COL9A2: variants seen among roughly 807,000 people sequenced by gnomAD.
COL9A2 encodes collagen alpha-2(IX) chain.
A neutral mutation model predicts 111.6 loss-of-function variants in COL9A2; 66 were observed. The ratio of observed to expected loss-of-function variants is 0.59; its 90% CI spans 0.48 to 0.73. The LOEUF (loss-of-function observed/expected upper bound fraction) is 0.73, where lower values mean the gene tolerates loss of function less well. Ranked by LOEUF, COL9A2 falls within the 30% of genes least tolerant of loss-of-function variation. The pLI is 0.00. For synonymous variants in COL9A2, 353 were observed against 364.1 expected (o/e 0.97, Z 0.35); for missense variants, 881 against 954.1 (o/e 0.92, Z 1.01).
Position 40,316,625 on chromosome 1 carries a change from C to T in COL9A2, c.75+498G>A, listed in dbSNP as rs1274097611. 2.2e-6 allele frequency: 1 copy of T among 455,014 alleles called. No individual in the cohort carries two copies. Among genetic ancestry groups the T allele is most frequent in the South Asian group, 1.6e-5 (1 of 64,478 alleles). 28.2% of individuals were successfully genotyped at this position (455,014 alleles called of 1,614,324 possible). ...GCGAGCTCGAAACCACACCCAGCACCCGACCGGGCCCAGTCTCTGCCCTAC... is the reference window on the plus strand; with the variant it reads ...GCGAGCTCGAAACCACACCCAGCACTCGACCGGGCCCAGTCTCTGCCCTAC... On this transcript the variant is annotated intron_variant, in intron 1 of 31. Coordinates refer to ENST00000372748, the MANE Select transcript of COL9A2 (RefSeq NM_001852.4). The surrounding 1 kb of genome is among the most constrained non-coding windows in gnomAD (Gnocchi z 5.5).
intron 16 of COL9A2, 68 bp downstream of exon 16, chr1:40,309,869 AG>A: frequency 6.7e-7 from 1 of 1,497,460 alleles, no homozygotes; most frequent in Non-Finnish European, 9.3e-7. Context: ...ACACAGCCTT[AG>A]GGGGTGCCTT....
rs1182636923 is a variant in COL9A2, at chr1:40,302,150, ACT to A, written c.1793-263_1793-262del. On this transcript the variant is annotated intron_variant, in intron 30 of 31. Transcript: ENST00000372748. This position sits in a 1 kb window ranked among gnomAD's most constrained non-coding sequence, Gnocchi z 4.5. ...ACTGTGTCTCAGTGAACTAAGACAA[ACT>A]CTATGTAAACTACTCTAAGGATAGT... Among the ~76,000 whole-genome samples the A allele has an allele frequency of 6.6e-6, 1 of 152,124 alleles. No individual in the cohort carries two copies. The highest frequency in any genetic ancestry group is 1.5e-5 in the Non-Finnish European group (1 of 68,022).
At chr1:40,315,218 G>A in intron 2 of COL9A2, 2 of 1,058,792 alleles carry the variant, frequency 1.9e-6, no homozygotes, top group Non-Finnish European at 1.1e-6. Flanking sequence ...CGGTGGTCTG[G>A]CCAAGGCTCC....
At position 40,306,172 on chromosome 1, in the gene COL9A2, G is replaced by A; in HGVS notation, c.1024C>T (p.Pro342Ser). ...TCTCCAGGGCCTCCTTTTGTCCCAG[G>A]CTGGCCTGGCACACCCTGCAGAAAG... ...HQGLAGVPGQ[P>S]GTKGGPGDQG... The change falls in exon 20 of 32, where the codon CCT becomes TCT. Residue 342 changes from proline to serine, a missense_variant. Coordinates refer to ENST00000372748, the MANE Select transcript of COL9A2 (RefSeq NM_001852.4). 6.2e-7 allele frequency: 1 copy of A among 1,614,210 alleles called. No homozygotes were observed. Among genetic ancestry groups the A allele is most frequent in the Non-Finnish European group, 8.5e-7 (1 of 1,180,040 alleles).
Position 40,306,301 on chromosome 1 carries a change from C to G in COL9A2, c.1009-114G>C, listed in dbSNP as rs2076696. ...TCCCCCACCTGTGGGAGCTGAACAACAGAAGGTCCAGCCACGGCATGATGA... is the reference window on the plus strand; with the variant it reads ...TCCCCCACCTGTGGGAGCTGAACAAGAGAAGGTCCAGCCACGGCATGATGA... On this transcript the variant is annotated intron_variant, in intron 19 of 31. Coordinates refer to ENST00000372748, the MANE Select transcript of COL9A2 (RefSeq NM_001852.4). 0.17 allele frequency: 196,280 copies of G among 1,139,696 alleles called. 18,743 individuals are homozygous for G. Among genetic ancestry groups the G allele is most frequent in the East Asian group, 0.34 (14,097 of 41,580 alleles). 70.6% of individuals were successfully genotyped at this position (1,139,696 alleles called of 1,614,324 possible). A position where few individuals can be genotyped will look rare whatever the true frequency, so the allele number is the denominator to read the frequency against.
Position 40,315,592 on chromosome 1 carries a change from C to T in COL9A2, c.148G>A (p.Asp50Asn). The change falls in exon 2 of 32, where the codon GAC becomes AAC. Residue 50 changes from aspartate (D) to asparagine (N), a missense_variant and splice_region_variant. Physicochemically the swap from Asp to Asn is conservative, Grantham distance 23. Transcript: ENST00000372748. ...PPGVPGSDGIDGDNGPPGKAG... is the reference protein window; with the variant it reads ...PPGVPGSDGINGDNGPPGKAG... ...CTGGTCTCAGGTTAGAGACTTACGTCGATGCCGTCGGATCCAGGCACTCCC... is the reference window on the plus strand; with the variant it reads ...CTGGTCTCAGGTTAGAGACTTACGTTGATGCCGTCGGATCCAGGCACTCCC... 6.4e-7 allele frequency: 1 copy of T among 1,552,240 alleles called. No homozygotes were observed. Among genetic ancestry groups the T allele is most frequent in the Non-Finnish European group, 8.7e-7 (1 of 1,147,062 alleles).
chr1:40,312,132 T>C lies in COL9A2; in HGVS notation c.364-20A>G, dbSNP rs78091688. ...AGGCCCCTGGGGAGCAGAGAGTTGA[T>C]GGTCAGGATGCCTCAGAGGGTCAGA... On this transcript the variant is annotated intron_variant, in intron 7 of 31. Coordinates refer to ENST00000372748, the MANE Select transcript of COL9A2 (RefSeq NM_001852.4). The surrounding 1 kb of genome is among the most constrained non-coding windows in gnomAD (Gnocchi z 6.0). The C allele has an allele frequency of 0.043, 68,527 of 1,592,960 alleles. 3,193 individuals are homozygous for C. Among genetic ancestry groups the C allele is most frequent in the African/African-American group, 0.2 (14,892 of 74,368 alleles).
rs551186240 is a variant in COL9A2 at position 40,303,478 on chromosome 1, C to G, written c.1548+52G>C. 384 of 1,609,934 alleles carry G rather than the reference C, an allele frequency of 2.4e-4. 6 individuals carry two copies. The South Asian group carries it at 3.7e-3, about 15-fold the overall frequency. Reference sequence around the variant, plus strand: ...TAGCCTTTGGCGGGTAAGCCGCACCCCAGAACAGATCTACCTAGAAGAAGC... The same window carrying G: ...TAGCCTTTGGCGGGTAAGCCGCACCGCAGAACAGATCTACCTAGAAGAAGC... On this transcript the variant is annotated intron_variant, in intron 28 of 31. Transcript: ENST00000372748. This position sits in a 1 kb window ranked among gnomAD's most constrained non-coding sequence, Gnocchi z 4.6.
At position 40,301,030 on chromosome 1, in the gene COL9A2, T is replaced by G; in HGVS notation, c.*152A>C. The G allele has an allele frequency of 3.9e-6, 3 of 776,958 alleles. No homozygotes were observed. The highest frequency in any genetic ancestry group is 2.7e-5 in the East Asian group (1 of 36,796). The allele number at this position is 776,958 out of a possible 1,614,324, so 48.1% of individuals were successfully genotyped here. ...GTGCTCTACCTCCCCTTCCCCCATGTTTTAGAATTCCTTTTCCTTAGGACT... is the reference window on the plus strand; with the variant it reads ...GTGCTCTACCTCCCCTTCCCCCATGGTTTAGAATTCCTTTTCCTTAGGACT... On this transcript the variant is annotated 3_prime_UTR_variant, in exon 32 of 32. Coordinates refer to ENST00000372748, the MANE Select transcript of COL9A2 (RefSeq NM_001852.4).
In COL9A2 at chr1:40,303,167, G is replaced by C. The variant is rs762429171; in HGVS notation, c.1567C>G (p.Gln523Glu). 1.9e-6 allele frequency: 3 copies of C among 1,612,276 alleles called. No homozygotes were observed. The highest frequency in any genetic ancestry group is 2.5e-6 in the Non-Finnish European group (3 of 1,179,364). ...TTCAGCGCCACATCCACGATGTGCTGGTCAGTGGCATCCCGGCCCTGAAAG... is the reference window on the plus strand; with the variant it reads ...TTCAGCGCCACATCCACGATGTGCTCGTCAGTGGCATCCCGGCCCTGAAAG... ...QGVEGRDATD[Q>E]HIVDVALKML... Residue 523 changes from glutamine (Q) to glutamate (E), a missense_variant, in exon 29 of 32, where the codon CAG becomes GAG. Physicochemically the swap from Gln to Glu is conservative, Grantham distance 29. Transcript: ENST00000372748. The surrounding 1 kb of genome is among the most constrained non-coding windows in gnomAD (Gnocchi z 4.6).
rs1644135300 is a variant in COL9A2, at chr1:40,311,914, G to C, written c.417+145C>G. ...CCCTAAAAGACCTAGTGCCGGGTGG[G>C]CTCATAGGAGGGGTTTCTGCCCCAG... On this transcript the variant is annotated intron_variant, in intron 8 of 31. Transcript: ENST00000372748. This position sits in a 1 kb window ranked among gnomAD's most constrained non-coding sequence, Gnocchi z 5.1. 2 of 1,022,334 alleles carry C rather than the reference G, an allele frequency of 2.0e-6. No homozygotes were observed. Among genetic ancestry groups the C allele is most frequent in the Non-Finnish European group, 3.0e-6 (2 of 666,698 alleles). The allele number at this position is 1,022,334 out of a possible 1,614,324, so 63.3% of individuals were successfully genotyped here. A position where few individuals can be genotyped will look rare whatever the true frequency, so the allele number is the denominator to read the frequency against.
At chr1:40,301,503 T>C (rs896202757) in intron 31 of COL9A2, 122 bp from the exon 32 acceptor site, 7 of 821,310 alleles carry the variant, frequency 8.5e-6, no homozygotes, top group African/African-American at 1.7e-5. Context: ...GAAAGGACTC[T>C]GCCCCAGAGG....
chr1:40,304,433 C>T, intron 23 of COL9A2, 42 bp from the exon 24 acceptor site: 1 of 1,613,492 alleles, frequency 6.2e-7, no homozygotes. Context: ...GAATGAGGGG[C>T]CTGGATATGA....
rs1455667378 is a variant in COL9A2, at chr1:40,317,018, C to T, written c.75+105G>A. On this transcript the variant is annotated intron_variant, in intron 1 of 31. Transcript: ENST00000372748. This position sits in a 1 kb window ranked among gnomAD's most constrained non-coding sequence, Gnocchi z 4.3. ...GCGGCGCTGTCCTCAGGTGGCCTCT[C>T]GGGCTAGGGGTGTCAGTAGGCGCGG... 1.3e-5 allele frequency: 16 copies of T among 1,201,126 alleles called. No homozygotes were observed. The highest frequency in any genetic ancestry group is 2.0e-5 in the Admixed American group (1 of 50,504). The allele number at this position is 1,201,126 out of a possible 1,614,324, so 74.4% of individuals were successfully genotyped here.
In COL9A2 at chr1:40,311,286, A is replaced by G. The variant is rs751408782; in HGVS notation, c.520T>C (p.Cys174Arg). The change falls in exon 11 of 32, where the codon TGT becomes CGT. Residue 174 changes from cysteine (C) to arginine (R), a missense_variant and splice_region_variant. By Grantham distance (180) the Cys-to-Arg change is radical. Transcript: ENST00000372748. This position sits in a 1 kb window ranked among gnomAD's most constrained non-coding sequence, Gnocchi z 5.1. ...ATTCCGGGTGGACAGTTGGTTGGAC[A>G]CTGGAAACAGAAAATCCCACAGGGT... Reference protein sequence around the residue: ...QGLEGSADFLCPTNCPPGMKG... With the variant: ...QGLEGSADFLRPTNCPPGMKG... 1.2e-6 allele frequency: 2 copies of G among 1,613,914 alleles called. No individual in the cohort carries two copies. The highest frequency in any genetic ancestry group is 1.7e-6 in the Non-Finnish European group (2 of 1,179,894).
chr1:40,305,035 C>T (rs1189493193), intron 21 of COL9A2, 188 bp from the exon 22 acceptor site: 8 of 418,616 alleles, frequency 1.9e-5, no homozygotes, highest in South Asian at 3.7e-5. Context: ...ATTTGAATTA[C>T]TTATCATGTG....
In COL9A2 at chr1:40,311,461, C is replaced by T; in HGVS notation, c.519+39G>A. 1 of 1,514,174 alleles carries T rather than the reference C, an allele frequency of 6.6e-7. No homozygotes were observed. Among genetic ancestry groups the T allele is most frequent in the Non-Finnish European group, 9.0e-7 (1 of 1,108,056 alleles). The allele number at this position is 1,514,174 out of a possible 1,614,324, so 93.8% of individuals were successfully genotyped here. A position where few individuals can be genotyped will look rare whatever the true frequency, so the allele number is the denominator to read the frequency against. ...CCGCCTCCCCATCTCTGTGGCCCCG[C>T]CCCCCTGTGTTAGCCCCGCCCCAGA... On this transcript the variant is annotated intron_variant, in intron 10 of 31. Transcript: ENST00000372748. This position sits in a 1 kb window ranked among gnomAD's most constrained non-coding sequence, Gnocchi z 5.1.
rs1172501528 is a variant in COL9A2, at chr1:40,312,545, C to T, written c.339+29G>A. ...TGCAGGTCCCCTCTCCCCCAAGAGTCCCTCGAAGCCCTTGCAGGTTGTACT... is the reference window on the plus strand; with the variant it reads ...TGCAGGTCCCCTCTCCCCCAAGAGTTCCTCGAAGCCCTTGCAGGTTGTACT... On this transcript the variant is annotated intron_variant, in intron 6 of 31. Coordinates refer to ENST00000372748, the MANE Select transcript of COL9A2 (RefSeq NM_001852.4). The surrounding 1 kb of genome is among the most constrained non-coding windows in gnomAD (Gnocchi z 6.0). The T allele has an allele frequency of 1.2e-6, 2 of 1,613,886 alleles. No individual in the cohort carries two copies. Among genetic ancestry groups the T allele is most frequent in the Non-Finnish European group, 1.7e-6 (2 of 1,179,990 alleles).
At position 40,307,720 on chromosome 1, in the gene COL9A2, CTGG is replaced by C. The variant is rs1644052236; in HGVS notation, c.934_936del (p.Pro312del). 6.2e-7 allele frequency: 1 copy of C among 1,614,072 alleles called. No individual in the cohort carries two copies. Among genetic ancestry groups the C allele is most frequent in the African/African-American group, 1.3e-5 (1 of 74,916 alleles). Reference sequence around the variant, plus strand: ...ACTCCTACCTTCATGCCAGGCGTGCCTGGGGTCCCATCCTTGCCGTTGATGCCT... The same window carrying C: ...ACTCCTACCTTCATGCCAGGCGTGCCGGTCCCATCCTTGCCGTTGATGCCT... On this transcript the variant is annotated inframe_deletion, in exon 18 of 32. Coordinates refer to ENST00000372748, the MANE Select transcript of COL9A2 (RefSeq NM_001852.4). This position sits in a 1 kb window ranked among gnomAD's most constrained non-coding sequence, Gnocchi z 4.8.
Sources: allele counts gnomAD v4.1 joint callset (sites outside exome capture counted in the v4.1 genomes callset), GRCh38; gene constraint gnomAD v4.1.1; non-coding constraint Gnocchi (gnomAD v3.1); transcripts MANE v1.5; gene names NCBI Gene and HGNC (gene_info 2026-07-23, HGNC 2026-07-21).